SETD2: variants seen among roughly 807,000 people sequenced by gnomAD.
The protein encoded by SETD2 is histone-lysine N-methyltransferase SETD2.
Under a neutral mutation model 242.1 loss-of-function variants are expected in SETD2, and 31 were observed. That is an observed-to-expected ratio of 0.13 (90% CI 0.10 to 0.17). The LOEUF is 0.17. SETD2 is among the 10% of genes least tolerant of loss of function. The pLI, the probability that SETD2 is intolerant of heterozygous loss-of-function variation, is 1.00. For missense variants in SETD2, 2,481 were observed against 3,046.3 expected (o/e 0.81, Z 4.37); for synonymous variants, 1,006 against 1,066.5 (o/e 0.94, Z 1.11).
At chr3:47,158,947 C>A (rs963001230) in intron 1 of SETD2, among the ~76,000 whole-genome samples, 1 of 152,164 alleles carries the variant, frequency 6.6e-6, no homozygotes, top group African/African-American at 2.4e-5. Context: ...AAACCTCAAA[C>A]TGCACACTAA....
chr3:47,117,780 G>T (rs1359730106), intron 3 of SETD2, among the ~76,000 whole-genome samples: 1 of 152,196 alleles, frequency 6.6e-6, no homozygotes, highest in African/African-American at 2.4e-5. Flanking sequence ...GCTAAAATTT[G>T]ATTGCGTTCA....
chr3:47,057,783 A>G (rs1011365939), intron 14 of SETD2, among the ~76,000 whole-genome samples: 17 of 152,212 alleles, frequency 1.1e-4, no homozygotes, highest in African/African-American at 3.9e-4. Flanking sequence ...AGCTGGGGAC[A>G]TTTCTATAAT....
intron 1 of SETD2, among the ~76,000 whole-genome samples, chr3:47,135,680 T>C (rs1481913126): frequency 6.6e-6 from 1 of 152,134 alleles, no homozygotes; most frequent in Non-Finnish European, 1.5e-5. Context: ...TGCCACTCTG[T>C]TCCCTTACTC....
chr3:47,069,007 C>T (rs1436484443), intron 12 of SETD2, among the ~76,000 whole-genome samples: 2 of 143,012 alleles, frequency 1.4e-5, no homozygotes, highest in East Asian at 2.2e-4. Context: ...GTTGGCCAGA[C>T]TGGTCTCGAA....
In SETD2 at chr3:47,120,261, G is replaced by A. The variant is rs2107739635; in HGVS notation, c.4375C>T (p.Arg1459Ter). Residue 1459 changes from arginine to a stop codon, truncating the protein, a stop_gained, in exon 3 of 21, where the codon CGA becomes TGA. Coordinates refer to ENST00000409792, the MANE Select transcript of SETD2 (RefSeq NM_014159.7). LOFTEE classifies it high-confidence loss of function. ...CVMDDFRDPQ[R>*]WKECAKQGKM... Reference sequence around the variant, plus strand: ...CCTTGCTTGGCACATTCCTTCCATCGCTGTGGGTCCCTGAAGTCATCCATG... The same window carrying A: ...CCTTGCTTGGCACATTCCTTCCATCACTGTGGGTCCCTGAAGTCATCCATG... 6.2e-7 allele frequency: 1 copy of A among 1,606,954 alleles called. No individual in the cohort carries two copies. Among genetic ancestry groups the A allele is most frequent in the Non-Finnish European group, 8.5e-7 (1 of 1,177,446 alleles).
chr3:47,085,132 CAA>C lies in SETD2; in HGVS notation c.5398-752_5398-751del, dbSNP rs771225251. Among the ~76,000 whole-genome samples, 23 of 152,270 alleles carry C rather than the reference CAA, an allele frequency of 1.5e-4. No individual in the cohort carries two copies. The South Asian group carries it at 2.3e-3, about 15-fold the overall frequency. On this transcript the variant is annotated intron_variant, in intron 11 of 20. Coordinates refer to ENST00000409792, the MANE Select transcript of SETD2 (RefSeq NM_014159.7). ...ATTAAGAACTACATCTCTGTAAACA[CAA>C]GCATATTTAAAAATCATAATATTGT...
chr3:47,109,422 G>A (rs962550158), intron 5 of SETD2, among the ~76,000 whole-genome samples: 4 of 152,132 alleles, frequency 2.6e-5, no homozygotes, highest in Non-Finnish European at 5.9e-5. Flanking sequence ...AAGGTGAGAG[G>A]ATCACTGGAG....
intron 18 of SETD2, among the ~76,000 whole-genome samples, chr3:47,028,243 T>C (rs73077679): frequency 2.3e-3 from 348 of 152,304 alleles, no homozygotes; most frequent in Admixed American, 3.7e-3. Context: ...CTTTTCTGCG[T>C]GGAGAAATTT....
intron 12 of SETD2, 33 bp downstream of exon 12, chr3:47,083,687 T>TC (rs1297386732): frequency 6.4e-7 from 1 of 1,561,558 alleles, no homozygotes; most frequent in Non-Finnish European, 8.6e-7. Context: ...CCTGAGTAAT[T>TC]CAAGTTGAAA....
At chr3:47,099,065 A>G (rs528631239) in intron 8 of SETD2, among the ~76,000 whole-genome samples, 3 of 152,298 alleles carry the variant, frequency 2.0e-5, no homozygotes, top group Non-Finnish European at 4.4e-5. Flanking sequence ...ACCATCTGGC[A>G]TTTGTCCTAG....
At chr3:47,132,197 A>G (rs1296468103) in intron 1 of SETD2, among the ~76,000 whole-genome samples, 1 of 149,832 alleles carries the variant, frequency 6.7e-6, no homozygotes, top group Non-Finnish European at 1.5e-5. Context: ...CAGTGGCGCA[A>G]TCTTGGCTCA....
intron 5 of SETD2, among the ~76,000 whole-genome samples, chr3:47,108,078 C>T (rs1281393866): frequency 6.6e-6 from 1 of 151,742 alleles, no homozygotes; most frequent in Non-Finnish European, 1.5e-5. Flanking sequence ...TGGGAGTTTC[C>T]GACCAGCTGG....
intron 18 of SETD2, among the ~76,000 whole-genome samples, chr3:47,028,417 GAA>G (rs1381912183): frequency 4.6e-5 from 7 of 152,204 alleles, no homozygotes; most frequent in Admixed American, 2.6e-4. Flanking sequence ...CAGCTAAAGT[GAA>G]GAGATATCCA....
rs879918934 is a variant in SETD2 at position 47,017,539 on chromosome 3, GAAA to G, written c.7533+96_7533+98del. Reference sequence around the variant, plus strand: ...GGTCCCCAGCTCTGACATCTGACAAGAAAAAAAAAAATACTTTCTATGATGAAA... The same window carrying G: ...GGTCCCCAGCTCTGACATCTGACAAGAAAAAAAATACTTTCTATGATGAAA... On this transcript the variant is annotated intron_variant, in intron 20 of 20. Coordinates refer to ENST00000409792, the MANE Select transcript of SETD2 (RefSeq NM_014159.7). This position sits in a 1 kb window ranked among gnomAD's most constrained non-coding sequence, Gnocchi z 4.8. The G allele has an allele frequency of 1.3e-6, 1 of 761,840 alleles. No homozygotes were observed. The highest frequency in any genetic ancestry group is 2.0e-6 in the Non-Finnish European group (1 of 496,366). 47.2% of individuals were successfully genotyped at this position (761,840 alleles called of 1,614,324 possible). A position where few individuals can be genotyped will look rare whatever the true frequency, so the allele number is the denominator to read the frequency against.
intron 18 of SETD2, among the ~76,000 whole-genome samples, chr3:47,023,050 C>CA (rs1314186519): frequency 1.3e-5 from 2 of 152,254 alleles, no homozygotes; most frequent in South Asian, 4.2e-4. Flanking sequence ...TGAGTCCTGA[C>CA]AAAGGCAGAG....
intron 16 of SETD2, among the ~76,000 whole-genome samples, chr3:47,044,315 AG>A (rs369754146): frequency 7.4e-5 from 10 of 134,230 alleles, no homozygotes; most frequent in African/African-American, 2.4e-4. Context: ...ACTGTACTCC[AG>A]GCTGGGCAAC....
intron 3 of SETD2, 147 bp downstream of exon 3, chr3:47,120,035 G>A: frequency 1.4e-6 from 1 of 713,220 alleles, no homozygotes; most frequent in East Asian, 2.8e-5. Flanking sequence ...ATCTAAATAG[G>A]TAAAAACACT....
intron 10 of SETD2, 135 bp from the exon 11 acceptor site, chr3:47,086,449 C>G (rs2041562680): frequency 1.3e-6 from 1 of 761,418 alleles, no homozygotes; most frequent in Admixed American, 3.1e-5. Flanking sequence ...AACCTAGAAA[C>G]TCTGTTTTCA....
At chr3:47,047,891 C>T (rs1262027741) in intron 15 of SETD2, among the ~76,000 whole-genome samples, 1 of 152,126 alleles carries the variant, frequency 6.6e-6, no homozygotes, top group Non-Finnish European at 1.5e-5. Context: ...TGTACTTTCA[C>T]AAACCTACTA....
Sources: gnomAD v4.1 joint callset for allele counts (sites outside exome capture counted in the v4.1 genomes callset) on GRCh38, gnomAD v4.1.1 for gene constraint, Gnocchi (gnomAD v3.1) non-coding constraint, MANE v1.5 for transcripts, NCBI Gene and HGNC (gene_info 2026-07-23, HGNC 2026-07-21) for gene names.